Variants in TBL1XR1 observed in about 807,000 individuals in gnomAD.
The protein encoded by TBL1XR1 is F-box-like/WD repeat-containing protein TBL1XR1.
Under a neutral mutation model 66.9 loss-of-function variants are expected in TBL1XR1, and 5 were observed. The ratio of observed to expected loss-of-function variants is 0.07; its 90% CI spans 0.04 to 0.16. The LOEUF (loss-of-function observed/expected upper bound fraction) is 0.16, where lower values mean the gene tolerates loss of function less well. Ranked by LOEUF, TBL1XR1 falls within the 10% of genes least tolerant of loss-of-function variation. The pLI is 1.00. For missense variants in TBL1XR1, 238 were observed against 623.2 expected, an observed-to-expected ratio of 0.38 and a Z score of 6.58; for synonymous variants, 210 against 206.0, an observed-to-expected ratio of 1.02 and a Z score of -0.17.
At chr3:177,198,048 T>G (rs1395787456), upstream of TBL1XR1, among the ~76,000 whole-genome samples, 2 of 151,408 alleles carry the variant, frequency 1.3e-5, no homozygotes, top group Non-Finnish European at 3.0e-5. Flanking sequence ...GCGGCGGGCA[T>G]GTGGGGGAGT....
At chr3:177,074,374 C>T (rs545239564) in intron 2 of TBL1XR1, among the ~76,000 whole-genome samples, 1 of 152,218 alleles carries the variant, frequency 6.6e-6, no homozygotes, top group East Asian at 1.9e-4. Flanking sequence ...TCCTTCTTTC[C>T]AAAGTCCTTG....
intron 1 of TBL1XR1, among the ~76,000 whole-genome samples, chr3:177,156,518 TACACACACACACACAC>T (rs35566193): frequency 1.4e-5 from 2 of 139,706 alleles, no homozygotes; most frequent in Non-Finnish European, 1.5e-5. Flanking sequence ...TATATATACA[TACACACACACACACAC>T]ACACACACAC....
intron 2 of TBL1XR1, among the ~76,000 whole-genome samples, chr3:177,072,563 T>A (rs1396597646): frequency 2.6e-5 from 4 of 152,218 alleles, no homozygotes; most frequent in African/African-American, 9.6e-5. Context: ...ACACATCTTT[T>A]TAATATGCTG....
At chr3:177,173,602 T>C (rs997736519) in intron 1 of TBL1XR1, among the ~76,000 whole-genome samples, 13 of 152,220 alleles carry the variant, frequency 8.5e-5, no homozygotes, top group African/African-American at 2.9e-4. Flanking sequence ...TGAGAAACTG[T>C]CACAGGTCAG....
Position 177,032,972 on chromosome 3 carries a change from T to C in TBL1XR1, c.1415A>G (p.Gln472Arg). The C allele has an allele frequency of 6.3e-7, 1 of 1,574,962 alleles. No homozygotes were observed. The highest frequency in any genetic ancestry group is 8.6e-7 in the Non-Finnish European group (1 of 1,158,598). The stretch of plus-strand genomic sequence containing the variant: ...ACCATTTAAATAATGAAGACATACC[T>C]GCGTGTTCCAGATGTGTACACATTT... ...FDKCVHIWNT[Q>R]TGALVHSYRG... Residue 472 changes from glutamine (Q) to arginine (R), a missense_variant and splice_region_variant, in exon 14 of 16, where the codon CAG (glutamine) becomes CGG (arginine). Coordinates refer to ENST00000457928, the MANE Select transcript of TBL1XR1 (RefSeq NM_024665.7).
upstream of TBL1XR1, among the ~76,000 whole-genome samples, chr3:177,200,020 T>C (rs2109035745): frequency 6.6e-6 from 1 of 152,124 alleles, no homozygotes; most frequent in African/African-American, 2.4e-5. Flanking sequence ...TCGCCCAGGC[T>C]AGAGTGCAAT....
intron 3 of TBL1XR1, among the ~76,000 whole-genome samples, chr3:177,054,771 A>G (rs1007737729): frequency 6.6e-6 from 1 of 152,228 alleles, no homozygotes; most frequent in African/African-American, 2.4e-5. Context: ...AATATTTAAG[A>G]AATGAACAGC....
chr3:177,155,948 G>T (rs1246054757), intron 1 of TBL1XR1, among the ~76,000 whole-genome samples: 1 of 152,040 alleles, frequency 6.6e-6, no homozygotes, highest in Non-Finnish European at 1.5e-5. Flanking sequence ...GGTGAAGGTT[G>T]TGGTGAGCCG....
intron 1 of TBL1XR1, among the ~76,000 whole-genome samples, chr3:177,122,354 C>T (rs1057386382): frequency 6.6e-6 from 1 of 150,754 alleles, no homozygotes; most frequent in African/African-American, 2.4e-5. Flanking sequence ...GAATGTCACG[C>T]CTGATTGGGG....
chr3:177,033,646 C>CA (rs1714324382), intron 13 of TBL1XR1, among the ~76,000 whole-genome samples: 1 of 151,950 alleles, frequency 6.6e-6, no homozygotes, highest in African/African-American at 2.4e-5. Context: ...TAATAAAACT[C>CA]AGTGTTTAAA....
chr3:177,096,523 T>C (rs1051233819), intron 2 of TBL1XR1, among the ~76,000 whole-genome samples: 11 of 152,182 alleles, frequency 7.2e-5, no homozygotes, highest in Non-Finnish European at 1.5e-4. Flanking sequence ...TTGTAAGAGA[T>C]AGGTAGCTTC....
chr3:177,098,073 G>A (rs1442751923), intron 2 of TBL1XR1, among the ~76,000 whole-genome samples: 1 of 152,066 alleles, frequency 6.6e-6, no homozygotes, highest in Non-Finnish European at 1.5e-5. Context: ...GCTGGGCGTG[G>A]TGGCGCATGC....
chr3:177,054,755 A>G (rs1036369325), intron 3 of TBL1XR1, among the ~76,000 whole-genome samples: 1 of 152,208 alleles, frequency 6.6e-6, no homozygotes, highest in Admixed American at 6.5e-5. Flanking sequence ...TAACTCATCT[A>G]TATGAAATAT....
Position 177,113,525 on chromosome 3 carries a change from C to T in TBL1XR1, c.-121-14984G>A, listed in dbSNP as rs759351561. Among the ~76,000 whole-genome samples, 103 of 152,038 alleles carry T rather than the reference C, an allele frequency of 6.8e-4. 2 individuals are homozygous for T. The highest frequency in any genetic ancestry group is 1.8e-4 in the Non-Finnish European group (12 of 67,998). ...AACTCAATAACAAAAAATCAAATAA[C>T]CTAATATTTAAAATCGGCAAAATGG... On this transcript the variant is annotated intron_variant, in intron 1 of 15. Transcript: ENST00000457928.
intron 1 of TBL1XR1, among the ~76,000 whole-genome samples, chr3:177,143,835 A>G (rs776486472): frequency 1.8e-4 from 28 of 152,236 alleles, no homozygotes; most frequent in Non-Finnish European, 3.7e-4. Context: ...CAATGAAGTG[A>G]CTAAAGAAAA....
chr3:177,048,163 T>G (rs1017100731), intron 7 of TBL1XR1, among the ~76,000 whole-genome samples: 1 of 152,100 alleles, frequency 6.6e-6, no homozygotes, highest in Admixed American at 6.5e-5. Flanking sequence ...GACTTTATAG[T>G]TAATGAAGTA....
chr3:177,144,024 T>C (rs1457964034), intron 1 of TBL1XR1, among the ~76,000 whole-genome samples: 1 of 151,066 alleles, frequency 6.6e-6, no homozygotes, highest in African/African-American at 2.4e-5. Flanking sequence ...GGCAGGCGGA[T>C]CACCTGAGGT....
At chr3:177,183,603 C>G (rs1411854193) in intron 1 of TBL1XR1, among the ~76,000 whole-genome samples, 1 of 151,308 alleles carries the variant, frequency 6.6e-6, no homozygotes, top group Non-Finnish European at 1.5e-5. Context: ...CTCCGCCTCC[C>G]GGGTTCAAGT....
chr3:177,148,082 T>C (rs536609758), intron 1 of TBL1XR1, among the ~76,000 whole-genome samples: 2 of 152,346 alleles, frequency 1.3e-5, no homozygotes, highest in African/African-American at 4.8e-5. Flanking sequence ...TGGAAACAAG[T>C]CCGTTATTTT....
Sources: allele counts gnomAD v4.1 joint callset (sites outside exome capture counted in the v4.1 genomes callset), GRCh38; gene constraint gnomAD v4.1.1; transcripts MANE v1.5; gene names NCBI Gene and HGNC (gene_info 2026-07-23, HGNC 2026-07-21).